FNBP1: variants seen among roughly 807,000 people sequenced by gnomAD.
FNBP1 encodes the protein formin binding protein 1, also known as formin-binding protein 1.
FNBP1 carries 26 observed loss-of-function variants against 90.6 expected under a neutral mutation model. That is an observed-to-expected ratio of 0.29 (90% CI 0.21 to 0.40). The LOEUF is 0.40. Among genes scored for constraint, FNBP1 ranks in the 10% least tolerant of loss-of-function variants. FNBP1 has a pLI of 1.00. For missense variants in FNBP1, 635 were observed against 768.0 expected, an observed-to-expected ratio of 0.83 and a Z score of 2.05; for synonymous variants, 260 against 265.2, an observed-to-expected ratio of 0.98 and a Z score of 0.19.
intron 1 of FNBP1, among the ~76,000 whole-genome samples, chr9:130,004,434 T>A (rs1051004552): frequency 1.3e-5 from 2 of 152,152 alleles, no homozygotes; most frequent in Non-Finnish European, 2.9e-5. Flanking sequence ...AGTGAATTAT[T>A]CACCCAGTGA....
intron 11 of FNBP1, 163 bp from the exon 12 acceptor site, chr9:129,909,162 A>G (rs2038749400): frequency 3.0e-6 from 2 of 662,192 alleles, no homozygotes; most frequent in Non-Finnish European, 5.5e-6. Flanking sequence ...GCAAAAATCA[A>G]TGCATGCAAA....
At chr9:129,894,787 C>T (rs1207275330) in intron 16 of FNBP1, among the ~76,000 whole-genome samples, 6 of 152,140 alleles carry the variant, frequency 3.9e-5, no homozygotes, top group Non-Finnish European at 8.8e-5. Flanking sequence ...GGGCCAGGTG[C>T]GGTGGCTCAC....
chr9:130,043,172 C>A lies in FNBP1; in HGVS notation c.-197G>T, dbSNP rs980803988. 5.3e-5 allele frequency: 21 copies of A among 398,134 alleles called. No individual in the cohort carries two copies. Among genetic ancestry groups the A allele is most frequent in the East Asian group, 3.0e-4 (8 of 26,646 alleles). The allele number at this position is 398,134 out of a possible 1,614,324, so 24.7% of individuals were successfully genotyped here. A position where few individuals can be genotyped will look rare whatever the true frequency, so the allele number is the denominator to read the frequency against. The stretch of plus-strand genomic sequence containing the variant: ...CCCGCCGCTCCACAGCAAAATGGCC[C>A]GAGGAAGCAGCAGCCGCGGCCGCCG... On this transcript the variant is annotated 5_prime_UTR_variant, in exon 1 of 17. Transcript: ENST00000446176.
In FNBP1 at chr9:129,957,659, C is replaced by T. The variant is rs553999332; in HGVS notation, c.409-195G>A. 1.3e-5 allele frequency among the ~76,000 whole-genome samples: 2 copies of T among 152,174 alleles called. No homozygotes were observed. Among genetic ancestry groups the T allele is most frequent in the Admixed American group, 6.5e-5 (1 of 15,290 alleles). Reference sequence around the variant, plus strand: ...TTTGACCTTCCCGGCTCAGGTGATCCTCCCACCTCAGCCTCACTAGCTGCT... The same window carrying T: ...TTTGACCTTCCCGGCTCAGGTGATCTTCCCACCTCAGCCTCACTAGCTGCT... On this transcript the variant is annotated intron_variant, in intron 5 of 16. Transcript: ENST00000446176. The surrounding 1 kb of genome is among the most constrained non-coding windows in gnomAD (Gnocchi z 4.3).
At chr9:130,038,703 T>A (rs552509532) in intron 1 of FNBP1, among the ~76,000 whole-genome samples, 1 of 152,252 alleles carries the variant, frequency 6.6e-6, no homozygotes, top group East Asian at 1.9e-4. Context: ...CCAGCCCACA[T>A]GTGGCTTCTT....
chr9:130,048,242 G>A, the FNBP1 span, among the ~76,000 whole-genome samples: 2 of 139,792 alleles, frequency 1.4e-5, no homozygotes, highest in Non-Finnish European at 3.0e-5. Context: ...CTTGAACCCA[G>A]GAGGCAGAGG....
At chr9:130,034,732 CATTG>C (rs1324942191) in intron 1 of FNBP1, among the ~76,000 whole-genome samples, 1 of 152,132 alleles carries the variant, frequency 6.6e-6, no homozygotes, top group African/African-American at 2.4e-5. Context: ...TGGTGTGAGT[CATTG>C]ATTCTCAGTG....
chr9:130,024,463 G>A lies in FNBP1; in HGVS notation c.24+18489C>T, dbSNP rs77254559. ...TCAGACTATTGCACATTGGTGACAC[G>A]TAATTGAACACTGCTAATGGAGAGT... On this transcript the variant is annotated intron_variant, in intron 1 of 16. Transcript: ENST00000446176. 6.9e-3 allele frequency among the ~76,000 whole-genome samples: 1,044 copies of A among 152,128 alleles called. 15 individuals carry two copies. Among genetic ancestry groups the A allele is most frequent in the African/African-American group, 0.024 (1,002 of 41,494 alleles).
At chr9:129,945,320 A>G (rs146944374) in intron 6 of FNBP1, among the ~76,000 whole-genome samples, 3 of 152,230 alleles carry the variant, frequency 2.0e-5, no homozygotes, top group Admixed American at 2.0e-4. Context: ...TTTTAAGCCT[A>G]AAAAGATTAA....
chr9:129,948,128 C>T (rs964198486), intron 6 of FNBP1, among the ~76,000 whole-genome samples: 8 of 151,500 alleles, frequency 5.3e-5, no homozygotes, highest in Non-Finnish European at 1.2e-4. Flanking sequence ...CGTCTCTACG[C>T]TGTGCATGGT....
At chr9:129,965,613 CA>C (rs2048430577) in intron 4 of FNBP1, among the ~76,000 whole-genome samples, 1 of 152,056 alleles carries the variant, frequency 6.6e-6, no homozygotes, top group Admixed American at 6.6e-5. Flanking sequence ...GAGGCCGAGG[CA>C]GGGGGATCGC....
intron 1 of FNBP1, among the ~76,000 whole-genome samples, chr9:130,001,129 G>A (rs1054183865): frequency 1.3e-5 from 2 of 151,862 alleles, no homozygotes; most frequent in African/African-American, 2.4e-5. Context: ...TCAGGAGCTC[G>A]AGACCAGCCT....
At chr9:129,956,112 T>C (rs533253847) in intron 6 of FNBP1, among the ~76,000 whole-genome samples, 1 of 152,268 alleles carries the variant, frequency 6.6e-6, no homozygotes, top group Non-Finnish European at 1.5e-5. Context: ...AGCAATCCTC[T>C]TGCTTCAGTC....
intron 6 of FNBP1, among the ~76,000 whole-genome samples, chr9:129,934,964 G>T (rs776877901): frequency 3.9e-5 from 6 of 152,088 alleles, no homozygotes; most frequent in Non-Finnish European, 7.4e-5. Flanking sequence ...CAGAGTTGCA[G>T]TTTCTAAATA....
chr9:129,965,837 A>G (rs1216509911), intron 4 of FNBP1, among the ~76,000 whole-genome samples: 1 of 150,682 alleles, frequency 6.6e-6, no homozygotes, highest in Non-Finnish European at 1.5e-5. Flanking sequence ...GGAAGGAAGG[A>G]AGGAAGGAAG....
At chr9:129,973,896 C>G (rs958000840) in intron 4 of FNBP1, among the ~76,000 whole-genome samples, 1 of 151,826 alleles carries the variant, frequency 6.6e-6, no homozygotes, top group Non-Finnish European at 1.5e-5. Context: ...CTGCAACCTC[C>G]GCCTCCCAGG....
At position 130,042,324 on chromosome 9, in the gene FNBP1, C is replaced by T. The variant is rs1171011162; in HGVS notation, c.24+628G>A. 6.6e-6 allele frequency among the ~76,000 whole-genome samples: 1 copy of T among 152,172 alleles called. No homozygotes were observed. Among genetic ancestry groups the T allele is most frequent in the Non-Finnish European group, 1.5e-5 (1 of 68,032 alleles). On this transcript the variant is annotated intron_variant, in intron 1 of 16. Transcript: ENST00000446176. This position sits in a 1 kb window ranked among gnomAD's most constrained non-coding sequence, Gnocchi z 5.5. ...CCACTTTCCCCTCCAGACCAGACGT[C>T]GCAGTGCCCACATCCCACTCAGGAT...
At chr9:129,930,440 G>A (rs1293891284) in intron 6 of FNBP1, among the ~76,000 whole-genome samples, 1 of 152,240 alleles carries the variant, frequency 6.6e-6, no homozygotes, top group East Asian at 1.9e-4. Context: ...CTGACCTAAG[G>A]AGACTTTTCT....
Position 129,962,250 on chromosome 9 carries a change from C to G in FNBP1, c.346-3697G>C, listed in dbSNP as rs372812326. Among the ~76,000 whole-genome samples, 10 of 152,326 alleles carry G rather than the reference C, an allele frequency of 6.6e-5. No individual in the cohort carries two copies. In the East Asian group the frequency reaches 1.7e-3, roughly 26 times the overall value. ...TGAGGCCTGGGGGCAACATCAGCTC[C>G]CCACTGTGACTTGCTCCAGGGTACT... On this transcript the variant is annotated intron_variant, in intron 4 of 16. Coordinates refer to ENST00000446176, the MANE Select transcript of FNBP1 (RefSeq NM_015033.3).
Sources: gnomAD v4.1 joint callset for allele counts (sites outside exome capture counted in the v4.1 genomes callset) on GRCh38, gnomAD v4.1.1 for gene constraint, Gnocchi (gnomAD v3.1) non-coding constraint, MANE v1.5 for transcripts, NCBI Gene and HGNC (gene_info 2026-07-23, HGNC 2026-07-21) for gene names.